Variants in ROCK1 observed in about 807,000 individuals in gnomAD.
The protein encoded by ROCK1 is Rho associated coiled-coil containing protein kinase 1.
In ROCK1, 36 loss-of-function variants were observed where a neutral mutation model predicts 196.8. That is an observed-to-expected ratio of 0.18 (90% CI 0.14 to 0.24). The LOEUF (loss-of-function observed/expected upper bound fraction) is 0.24. ROCK1 is among the 10% of genes least tolerant of loss of function. The probability of loss-of-function intolerance (pLI) is 1.00; values close to 1 mark genes in which losing one functional copy is unlikely to be tolerated. For synonymous variants in ROCK1, 443 were observed against 515.9 expected, an observed-to-expected ratio of 0.86 and a Z score of 1.91; for missense variants, 920 against 1,562.0, an observed-to-expected ratio of 0.59 and a Z score of 6.93.
At chr18:20,980,915 CAAAAA>C (rs570087798) in intron 21 of ROCK1, among the ~76,000 whole-genome samples, 1 of 55,762 alleles carries the variant, frequency 1.8e-5, no homozygotes, top group Admixed American at 1.9e-4. Context: ...GATTCCATCT[CAAAAA>C]AAAAAAAAAA....
intron 10 of ROCK1, among the ~76,000 whole-genome samples, chr18:21,027,863 G>A (rs1195757422): frequency 6.8e-5 from 9 of 133,324 alleles, no homozygotes; most frequent in Non-Finnish European, 6.2e-5. Flanking sequence ...CCGGGTTCAC[G>A]CCATTCTCCT....
chr18:20,992,562 A>G (rs2035635751), intron 17 of ROCK1, among the ~76,000 whole-genome samples: 1 of 152,178 alleles, frequency 6.6e-6, no homozygotes. Context: ...CATACTTTAT[A>G]AAAAGGTATT....
rs1282133822 is a variant in ROCK1, at chr18:21,008,194, C to T, written c.1411G>A (p.Gly471Arg). ...GATTCTAGATTTCTTCTTTGATTTC[C>T]CTGGAATTATAATGATAAAAGTTAC... ...DKIMKELDEE[G>R]NQRRNLESTV... is the part of the protein sequence containing the mutation. Residue 471 changes from glycine to arginine, a missense_variant and splice_region_variant, in exon 14 of 33, where the codon GGA becomes AGA. Physicochemically the swap from Gly to Arg is moderately radical, Grantham distance 125 (BLOSUM62 -2). Coordinates refer to ENST00000399799, the MANE Select transcript of ROCK1 (RefSeq NM_005406.3). 2 of 1,569,948 alleles carry T rather than the reference C, an allele frequency of 1.3e-6. No individual in the cohort carries two copies. The highest frequency in any genetic ancestry group is 4.7e-5 in the East Asian group (2 of 42,666).
chr18:21,069,457 T>C (rs1489827298), intron 2 of ROCK1, among the ~76,000 whole-genome samples: 4 of 152,122 alleles, frequency 2.6e-5, no homozygotes, highest in Non-Finnish European at 5.9e-5. Context: ...ATTTCACTTA[T>C]TTCTACTAAA....
At chr18:21,076,332 C>T (rs1269119559) in intron 1 of ROCK1, among the ~76,000 whole-genome samples, 1 of 151,948 alleles carries the variant, frequency 6.6e-6, no homozygotes, top group Non-Finnish European at 1.5e-5. Context: ...GGTGAAACCC[C>T]GTCTCTACTA....
At chr18:20,964,703 C>T (rs1159342536) in intron 27 of ROCK1, among the ~76,000 whole-genome samples, 1 of 152,160 alleles carries the variant, frequency 6.6e-6, no homozygotes, top group African/African-American at 2.4e-5. Flanking sequence ...CCTGAAAGTA[C>T]ACTAATATTC....
chr18:20,964,414 G>T (rs905982795), intron 27 of ROCK1, among the ~76,000 whole-genome samples: 2 of 151,914 alleles, frequency 1.3e-5, no homozygotes, highest in Non-Finnish European at 2.9e-5. Flanking sequence ...GACCATTTTT[G>T]AGCATCTAGT....
intron 1 of ROCK1, among the ~76,000 whole-genome samples, chr18:21,076,266 G>A (rs2036430427): frequency 6.6e-6 from 1 of 152,152 alleles, no homozygotes; most frequent in African/African-American, 2.4e-5. Flanking sequence ...CACTTTGGGA[G>A]GCCAAGGCAG....
At chr18:21,041,455 G>A (rs559783987) in intron 8 of ROCK1, among the ~76,000 whole-genome samples, 1 of 151,674 alleles carries the variant, frequency 6.6e-6, no homozygotes, top group South Asian at 2.1e-4. Flanking sequence ...AATACATCTG[G>A]TTCACTTTCA....
chr18:21,010,014 G>T (rs751499890), intron 13 of ROCK1, among the ~76,000 whole-genome samples: 45 of 152,034 alleles, frequency 3.0e-4, no homozygotes, highest in Non-Finnish European at 5.4e-4. Flanking sequence ...ATTTCCTTAT[G>T]ATTCTTTTGA....
At chr18:21,046,535 C>T (rs2036160896) in intron 4 of ROCK1, among the ~76,000 whole-genome samples, 1 of 152,068 alleles carries the variant, frequency 6.6e-6, no homozygotes, top group Non-Finnish European at 1.5e-5. Flanking sequence ...GGAGGAGGAG[C>T]AGTAATAGCT....
chr18:20,981,298 G>A (rs987168501), intron 21 of ROCK1, among the ~76,000 whole-genome samples: 1 of 152,040 alleles, frequency 6.6e-6, no homozygotes, highest in African/African-American at 2.4e-5. Flanking sequence ...GGATGCTGAG[G>A]CAGGAGAATG....
intron 19 of ROCK1, among the ~76,000 whole-genome samples, chr18:20,986,363 C>G (rs1598518289): frequency 1.3e-5 from 2 of 152,132 alleles, no homozygotes. Context: ...CAAGTAAAGC[C>G]CTGACTCCAA....
At chr18:21,091,622 A>G (rs545500549) in intron 1 of ROCK1, among the ~76,000 whole-genome samples, 1 of 151,938 alleles carries the variant, frequency 6.6e-6, no homozygotes, top group East Asian at 1.9e-4. Context: ...ATAACTATGT[A>G]CATATATCAC....
chr18:21,045,642 T>C (rs536458907), intron 4 of ROCK1, among the ~76,000 whole-genome samples, 175 bp from the exon 5 acceptor site: 1 of 152,176 alleles, frequency 6.6e-6, no homozygotes, highest in Non-Finnish European at 1.5e-5. Context: ...CCCTTGTATA[T>C]GCAAAATGAC....
chr18:21,096,102 C>A (rs1301863637), intron 1 of ROCK1, among the ~76,000 whole-genome samples: 1 of 152,020 alleles, frequency 6.6e-6, no homozygotes, highest in Non-Finnish European at 1.5e-5. Context: ...ACATTGTATG[C>A]CTATATCAAA....
At position 21,060,768 on chromosome 18, in the gene ROCK1, G is replaced by A. The variant is rs529701876; in HGVS notation, c.175+9764C>T. On this transcript the variant is annotated intron_variant, in intron 2 of 32. Transcript: ENST00000399799. ...GCAGGAGAACTGCTTGAACCTGGGA[G>A]GTGGAGGTTGCCATGAGCTGAGATT... Among the ~76,000 whole-genome samples, 9 of 151,126 alleles carry A rather than the reference G, an allele frequency of 6.0e-5. No individual in the cohort carries two copies. The South Asian group carries it at 1.9e-3, about 32-fold the overall frequency.
At position 20,950,354 on chromosome 18, in the gene ROCK1, CAATG is replaced by C. The variant is rs1388192536; in HGVS notation, c.*1026_*1029del. 6.6e-6 allele frequency: 1 copy of C among 152,576 alleles called. No homozygotes were observed. The highest frequency in any genetic ancestry group is 1.5e-5 in the Non-Finnish European group (1 of 68,030). The allele number at this position is 152,576 out of a possible 1,614,324, so 9.5% of individuals were successfully genotyped here. ...AAATATTTTAAATTAAACCAATTAT[CAATG>C]AAAAACTCACTGACACACATAATTT... On this transcript the variant is annotated 3_prime_UTR_variant, in exon 33 of 33. Coordinates refer to ENST00000399799, the MANE Select transcript of ROCK1 (RefSeq NM_005406.3).
At chr18:21,023,238 G>A (rs772839852) in intron 11 of ROCK1, among the ~76,000 whole-genome samples, 6 of 151,930 alleles carry the variant, frequency 3.9e-5, no homozygotes, top group Non-Finnish European at 5.9e-5. Flanking sequence ...TGATTAAAAC[G>A]GTAAATTTCA....
Sources: gnomAD v4.1 joint callset for allele counts (sites outside exome capture counted in the v4.1 genomes callset) on GRCh38, gnomAD v4.1.1 for gene constraint, MANE v1.5 for transcripts, NCBI Gene and HGNC (gene_info 2026-07-23, HGNC 2026-07-21) for gene names.